COMMD1: variants seen among roughly 807,000 people sequenced by gnomAD.
The protein encoded by COMMD1 is COMM domain-containing protein 1.
A neutral mutation model predicts 17.2 loss-of-function variants in COMMD1; 10 were observed. The observed-to-expected ratio is 0.58, with a 90% CI of 0.36 to 0.99. The LOEUF (loss-of-function observed/expected upper bound fraction) is 0.99. COMMD1 is among the 50% of genes least tolerant of loss of function. COMMD1 has a pLI of 0.01. For missense variants in COMMD1, 270 were observed against 231.8 expected (o/e 1.17, Z -1.07); for synonymous variants, 97 against 91.6 (o/e 1.06, Z -0.34).
chr2:61,988,661 C>T (rs1021426174), intron 1 of COMMD1, among the ~76,000 whole-genome samples: 2 of 152,150 alleles, frequency 1.3e-5, no homozygotes, highest in South Asian at 4.1e-4. Flanking sequence ...CTTAGCTACC[C>T]CAGCTGGTGA....
At chr2:61,903,518 A>T (rs1669702551), upstream of COMMD1, among the ~76,000 whole-genome samples, 1 of 151,460 alleles carries the variant, frequency 6.6e-6, no homozygotes, top group South Asian at 2.1e-4. Flanking sequence ...ATTCTCAACA[A>T]TGTGGCACTG....
In COMMD1 at chr2:62,088,579, G is replaced by A. The variant is rs565462317; in HGVS notation, c.463-47252G>A. ...TAGTCCTATATGTCTACAGTATTTT[G>A]TGTACCTACCCATTTACTCCCATGG... On this transcript the variant is annotated intron_variant, in intron 2 of 2. Transcript: ENST00000311832. Among the ~76,000 whole-genome samples, 3 of 152,144 alleles carry A rather than the reference G, an allele frequency of 2.0e-5. No individual in the cohort carries two copies. The South Asian group carries it at 6.2e-4, about 32-fold the overall frequency.
chr2:62,051,912 A>C, intron 2 of COMMD1, among the ~76,000 whole-genome samples: 1 of 152,240 alleles, frequency 6.6e-6, no homozygotes, highest in Admixed American at 6.5e-5. Flanking sequence ...TACTAAGCTG[A>C]GTTCACTCTT....
At chr2:62,055,674 A>C (rs1670676497) in intron 2 of COMMD1, among the ~76,000 whole-genome samples, 1 of 152,268 alleles carries the variant, frequency 6.6e-6, no homozygotes, top group Non-Finnish European at 1.5e-5. Flanking sequence ...CATCATTCTT[A>C]GTAGCTAACC....
At chr2:61,984,417 T>C (rs778679318) in intron 1 of COMMD1, among the ~76,000 whole-genome samples, 45 of 152,250 alleles carry the variant, frequency 3.0e-4, no homozygotes, top group Non-Finnish European at 6.0e-4. Context: ...CAGTACCGTA[T>C]TGGTCATTCA....
intron 1 of COMMD1, chr2:61,969,122 C>G: frequency 3.0e-6 from 1 of 337,218 alleles, no homozygotes; most frequent in Admixed American, 3.7e-5. Context: ...CCACATCTGG[C>G]TTTTATATGT....
rs1671603465 is a variant in COMMD1 at position 61,969,994 on chromosome 2, C to T, written c.181-30707C>T. Among the ~76,000 whole-genome samples the T allele has an allele frequency of 1.3e-5, 2 of 152,120 alleles. 1 individual carries two copies. The highest frequency in any genetic ancestry group is 4.2e-4 in the South Asian group (2 of 4,816). On this transcript the variant is annotated intron_variant, in intron 1 of 2. Coordinates refer to ENST00000311832, the MANE Select transcript of COMMD1 (RefSeq NM_152516.4). ...TCATAGCGCTGGGCACAGTGGCTCACACCTGTAATCCCAGCACTCTGGGAG... is the reference window on the plus strand; with the variant it reads ...TCATAGCGCTGGGCACAGTGGCTCATACCTGTAATCCCAGCACTCTGGGAG...
chr2:62,027,889 G>C (rs2103869445), intron 2 of COMMD1, among the ~76,000 whole-genome samples: 1 of 152,160 alleles, frequency 6.6e-6, no homozygotes, highest in South Asian at 2.1e-4. Flanking sequence ...TTAGGCTCAA[G>C]TGATCTGCCC....
chr2:61,933,512 A>T (rs1289384878), intron 1 of COMMD1, among the ~76,000 whole-genome samples: 1 of 151,978 alleles, frequency 6.6e-6, no homozygotes, highest in Non-Finnish European at 1.5e-5. Context: ...GCCCTTATGT[A>T]TCAATGTAGG....
At chr2:62,017,362 A>G (rs186466524) in intron 2 of COMMD1, among the ~76,000 whole-genome samples, 71 of 152,186 alleles carry the variant, frequency 4.7e-4, no homozygotes, top group Admixed American at 3.3e-3. Flanking sequence ...AAAACAGCCT[A>G]GTCTTCTTAG....
intron 2 of COMMD1, among the ~76,000 whole-genome samples, chr2:62,072,560 G>T (rs1288342373): frequency 3.3e-5 from 5 of 152,184 alleles, no homozygotes; most frequent in Admixed American, 6.5e-5. Context: ...ACAAGAACCT[G>T]GGACGTGCCG....
chr2:61,908,718 C>T lies in COMMD1; in HGVS notation c.180+2860C>T, dbSNP rs1395298758. Among the ~76,000 whole-genome samples the T allele has an allele frequency of 3.3e-5, 5 of 152,000 alleles. No homozygotes were observed. The East Asian group carries it at 9.7e-4, about 30-fold the overall frequency. ...GGGATTACAGGCACCAGCCACCACG[C>T]CCGGCTAATTTTTTTGTTTTTTTGT... On this transcript the variant is annotated intron_variant, in intron 1 of 2. Coordinates refer to ENST00000311832, the MANE Select transcript of COMMD1 (RefSeq NM_152516.4).
intron 1 of COMMD1, among the ~76,000 whole-genome samples, chr2:61,895,992 T>A (rs1015486870): frequency 1.1e-4 from 16 of 152,172 alleles, no homozygotes; most frequent in African/African-American, 3.6e-4. Context: ...CCAACCCCAT[T>A]TGAGTGCCAT....
At position 62,081,807 on chromosome 2, in the gene COMMD1, A is replaced by AT. The variant is rs543554606; in HGVS notation, c.463-54017dup. Among the ~76,000 whole-genome samples the AT allele has an allele frequency of 7.2e-5, 11 of 152,050 alleles. No individual in the cohort carries two copies. The South Asian group carries it at 2.3e-3, about 32-fold the overall frequency. ...GATTGCTTTTTTTACTTTGTTAATG[A>AT]TTTTTTTCTTCAGAAAAAATTTCAA... On this transcript the variant is annotated intron_variant, in intron 2 of 2. Coordinates refer to ENST00000311832, the MANE Select transcript of COMMD1 (RefSeq NM_152516.4).
intron 2 of COMMD1, among the ~76,000 whole-genome samples, chr2:62,007,587 G>T (rs1233157813): frequency 6.6e-6 from 1 of 152,072 alleles, no homozygotes; most frequent in Admixed American, 6.6e-5. Flanking sequence ...GATATGTTTA[G>T]TTACACAAAT....
chr2:62,063,897 A>ATATATATATATATATATATATATATC, intron 2 of COMMD1, among the ~76,000 whole-genome samples: 1 of 124,498 alleles, frequency 8.0e-6, no homozygotes, highest in African/African-American at 2.9e-5. Context: ...ATATATATAT[A>ATATATATATATATATATATATATATC]TTAGCCAGGC....
chr2:61,934,298 A>G (rs1485904706), intron 1 of COMMD1, among the ~76,000 whole-genome samples: 1 of 152,218 alleles, frequency 6.6e-6, no homozygotes, highest in African/African-American at 2.4e-5. Context: ...AGAATGAACC[A>G]TGGGATGTCC....
chr2:62,046,407 G>A (rs1670384435), intron 2 of COMMD1, among the ~76,000 whole-genome samples: 1 of 152,134 alleles, frequency 6.6e-6, no homozygotes. Flanking sequence ...AAAAGTCAAG[G>A]TAAATGTGAC....
chr2:62,034,448 C>T (rs534420294), intron 2 of COMMD1, among the ~76,000 whole-genome samples: 5 of 152,244 alleles, frequency 3.3e-5, no homozygotes, highest in African/African-American at 1.2e-4. Flanking sequence ...GAGCCAAGAT[C>T]GTGCCACTGC....
Sources: allele counts gnomAD v4.1 joint callset (sites outside exome capture counted in the v4.1 genomes callset), GRCh38; gene constraint gnomAD v4.1.1; transcripts MANE v1.5; gene names NCBI Gene and HGNC (gene_info 2026-07-23, HGNC 2026-07-21).